The following DMXL1 variants were observed in gnomAD, a reference collection of about 807,000 sequenced individuals.
DMXL1 encodes the protein Dmx like 1.
DMXL1 carries 99 observed loss-of-function variants against 319.2 expected under a neutral mutation model. That is an observed-to-expected ratio of 0.31 (90% CI 0.26 to 0.37). The LOEUF (loss-of-function observed/expected upper bound fraction) is 0.37. Among genes scored for constraint, DMXL1 ranks in the 10% least tolerant of loss-of-function variants. The pLI is 1.00. For missense variants in DMXL1, 3,745 were observed against 3,595.6 expected (o/e 1.04, Z -1.06); for synonymous variants, 1,385 against 1,235.2 (o/e 1.12, Z -2.54).
At position 119,133,245 on chromosome 5, in the gene DMXL1, C is replaced by T. The variant is rs1765322101; in HGVS notation, c.1429C>T (p.His477Tyr). Reference sequence around the variant, plus strand: ...ATCATTATCGTCAGCTGCCATTGATCATCAGATTGAAGTACTTCTGTCTGA... The same window carrying T: ...ATCATTATCGTCAGCTGCCATTGATTATCAGATTGAAGTACTTCTGTCTGA... ...FTSLSSAAIDHQIEVLLSEWS... is the reference protein window; with the variant it reads ...FTSLSSAAIDYQIEVLLSEWS... Residue 477 changes from histidine to tyrosine, a missense_variant, in exon 11 of 44, where the codon CAT becomes TAT. Physicochemically the swap from His to Tyr is moderately conservative, Grantham distance 83. Coordinates refer to ENST00000539542, the MANE Select transcript of DMXL1 (RefSeq NM_001290321.3). The T allele has an allele frequency of 6.2e-7, 1 of 1,614,046 alleles. No homozygotes were observed.
Position 119,170,351 on chromosome 5 carries a change from GA to G in DMXL1, c.5563del (p.Arg1855AspfsTer12). On this transcript the variant is annotated frameshift_variant, in exon 24 of 44. Coordinates refer to ENST00000539542, the MANE Select transcript of DMXL1 (RefSeq NM_001290321.3). LOFTEE classifies it high-confidence loss of function. The part of the protein sequence containing the change: ...SGLAGTINLS[E>X]RRLFFTTASA... ...ACTGGCAGGAACAATTAATTTAAGT[GA>G]AAGACGTTTATTTTTTACCACTGCC... The G allele has an allele frequency of 1.2e-6, 2 of 1,613,958 alleles. No homozygotes were observed. Among genetic ancestry groups the G allele is most frequent in the Non-Finnish European group, 1.7e-6 (2 of 1,179,946 alleles).
At chr5:119,104,064 T>C (rs1394207852) in intron 3 of DMXL1, 3 of 152,240 alleles carry the variant, frequency 2.0e-5, no homozygotes, top group Non-Finnish European at 2.9e-5. Flanking sequence ...TTCTAAAATA[T>C]AGTTTCAGAA....
chr5:119,098,112 A>G lies in DMXL1; in HGVS notation c.213+8A>G, dbSNP rs1337923160. The G allele has an allele frequency of 1.9e-6, 3 of 1,597,532 alleles. No individual in the cohort carries two copies. Among genetic ancestry groups the G allele is most frequent in the East Asian group, 2.3e-5 (1 of 44,206 alleles). The stretch of plus-strand genomic sequence containing the variant: ...TCAATGCAACAAGGCAAGGTTTGTA[A>G]TCTTCTTCTAATATACAAATTTGTT... On this transcript the variant is annotated splice_region_variant and intron_variant, in intron 2 of 43. Transcript: ENST00000539542.
At chr5:119,208,847 AT>A (rs968600811) in intron 34 of DMXL1, among the ~76,000 whole-genome samples, 2 of 150,954 alleles carry the variant, frequency 1.3e-5, no homozygotes, top group South Asian at 2.1e-4. Context: ...TAATCCCTCC[AT>A]TTTTTTTTCT....
chr5:119,076,381 G>C (rs186695342), intron 1 of DMXL1, among the ~76,000 whole-genome samples: 3 of 151,822 alleles, frequency 2.0e-5, no homozygotes, highest in Non-Finnish European at 4.4e-5. Context: ...TTGCCAAATT[G>C]GGAGGATGGG....
At chr5:119,163,758 G>T (rs1205591641) in intron 19 of DMXL1, among the ~76,000 whole-genome samples, 5 of 152,164 alleles carry the variant, frequency 3.3e-5, no homozygotes, top group African/African-American at 1.2e-4. Context: ...TGTATTTTTA[G>T]TAGAGATAGG....
At chr5:119,232,111 GCTAGTA>G (rs1238227073) in intron 38 of DMXL1, among the ~76,000 whole-genome samples, 8 of 152,074 alleles carry the variant, frequency 5.3e-5, no homozygotes, top group Non-Finnish European at 1.5e-5. Context: ...CTCCTGAGTA[GCTAGTA>G]CTATAGGTGT....
At chr5:119,132,210 C>A (rs1765060297) in intron 10 of DMXL1, among the ~76,000 whole-genome samples, 2 of 152,168 alleles carry the variant, frequency 1.3e-5, no homozygotes, top group South Asian at 4.1e-4. Context: ...GAATATGTGA[C>A]AATTGATCTG....
chr5:119,075,325 C>A (rs1213736848), intron 1 of DMXL1, among the ~76,000 whole-genome samples: 1 of 150,854 alleles, frequency 6.6e-6, no homozygotes, highest in Non-Finnish European at 1.5e-5. Flanking sequence ...CTGCAACCTC[C>A]GCCTCCCGGG....
At chr5:119,219,449 G>GT (rs1410258345) in intron 35 of DMXL1, among the ~76,000 whole-genome samples, 7 of 152,044 alleles carry the variant, frequency 4.6e-5, no homozygotes, top group African/African-American at 1.4e-4. Flanking sequence ...TAAGGTCTCA[G>GT]TTTTTTCTTA....
At position 119,248,352 on chromosome 5, in the gene DMXL1, A is replaced by G. The variant is rs1448559066; in HGVS notation, c.*1133A>G. ...TTTTGCCAAAATATTTTATTATAAA[A>G]TATGACCAAAATATTTAAAATGCAC... is the stretch of plus-strand genomic sequence containing the variant. On this transcript the variant is annotated 3_prime_UTR_variant, in exon 44 of 44. Transcript: ENST00000539542. 6.6e-6 allele frequency: 1 copy of G among 152,496 alleles called. No individual in the cohort carries two copies. Among genetic ancestry groups the G allele is most frequent in the African/African-American group, 2.4e-5 (1 of 41,452 alleles). 9.4% of individuals were successfully genotyped at this position (152,496 alleles called of 1,614,324 possible).
At chr5:119,116,813 GAGT>G (rs1760946858) in intron 7 of DMXL1, among the ~76,000 whole-genome samples, 1 of 152,152 alleles carries the variant, frequency 6.6e-6, no homozygotes, top group Non-Finnish European at 1.5e-5. Context: ...GGAAAAGAGA[GAGT>G]AGGTTAATAC....
intron 32 of DMXL1, among the ~76,000 whole-genome samples, chr5:119,202,390 A>T (rs1227764178): frequency 6.6e-6 from 1 of 152,156 alleles, no homozygotes; most frequent in Non-Finnish European, 1.5e-5. Flanking sequence ...ATAGCCATAA[A>T]TCCTCTCAAT....
chr5:119,163,714 G>C (rs1288213216), intron 19 of DMXL1, among the ~76,000 whole-genome samples: 1 of 152,176 alleles, frequency 6.6e-6, no homozygotes, highest in Non-Finnish European at 1.5e-5. Context: ...TCAGCCTATC[G>C]AGTAGCTGGG....
chr5:119,187,729 C>G (rs1300339316), intron 28 of DMXL1, among the ~76,000 whole-genome samples: 1 of 152,148 alleles, frequency 6.6e-6, no homozygotes, highest in African/African-American at 2.4e-5. Flanking sequence ...GTGGTGCGAT[C>G]TTGGCTCACT....
chr5:119,195,738 A>G, intron 30 of DMXL1, among the ~76,000 whole-genome samples: 1 of 152,176 alleles, frequency 6.6e-6, no homozygotes, highest in East Asian at 1.9e-4. Flanking sequence ...ATGTTTTTGT[A>G]TTTTACCATT....
intron 19 of DMXL1, among the ~76,000 whole-genome samples, chr5:119,158,497 A>G (rs1373963620): frequency 6.6e-6 from 1 of 152,172 alleles, no homozygotes; most frequent in African/African-American, 2.4e-5. Context: ...ATGCTCTGGC[A>G]GGGACTTCTA....
At chr5:119,112,037 T>C (rs1759734036) in intron 5 of DMXL1, among the ~76,000 whole-genome samples, 1 of 152,196 alleles carries the variant, frequency 6.6e-6, no homozygotes, top group African/African-American at 2.4e-5. Context: ...CTCAGCTCAC[T>C]GCAAGCTCCG....
intron 33 of DMXL1, among the ~76,000 whole-genome samples, chr5:119,205,332 C>G (rs1444889345): frequency 3.3e-5 from 5 of 152,206 alleles, no homozygotes; most frequent in South Asian, 4.2e-4. Flanking sequence ...GTAGTATAGT[C>G]AAGCCAGAGT....
Sources: gnomAD v4.1 joint callset for allele counts (sites outside exome capture counted in the v4.1 genomes callset) on GRCh38, gnomAD v4.1.1 for gene constraint, MANE v1.5 for transcripts, NCBI Gene and HGNC (gene_info 2026-07-23, HGNC 2026-07-21) for gene names.